Variants in ABCC1 observed in about 807,000 individuals in gnomAD.
ABCC1 encodes the protein ATP binding cassette subfamily C member 1 (ABCC1 blood group), also known as multidrug resistance-associated protein 1.
ABCC1 carries 83 observed loss-of-function variants against 172.9 expected under a neutral mutation model. The observed-to-expected ratio is 0.48, with a 90% CI of 0.40 to 0.58. ABCC1 has a LOEUF of 0.58. Ranked by LOEUF, ABCC1 falls within the 20% of genes least tolerant of loss-of-function variation. The pLI is 0.00. For synonymous variants in ABCC1, 937 were observed against 825.2 expected (o/e 1.14, Z -2.32); for missense variants, 1,817 against 2,002.7 (o/e 0.91, Z 1.77).
rs2049110732 is a variant in ABCC1 at position 16,044,365 on chromosome 16, G to T, written c.810-85G>T. 3.3e-6 allele frequency: 4 copies of T among 1,199,896 alleles called. No individual in the cohort carries two copies. The Middle Eastern group carries it at 8.1e-4, about 242-fold the overall frequency. The allele number at this position is 1,199,896 out of a possible 1,614,324, so 74.3% of individuals were successfully genotyped here. ...TGTCTTTGACTCTGCCTTCCCTGAA[G>T]GGTGACATTCCCTGGCCATGTCCCT... is the stretch of plus-strand genomic sequence containing the variant. On this transcript the variant is annotated intron_variant, in intron 7 of 30. Coordinates refer to ENST00000399410, the MANE Select transcript of ABCC1 (RefSeq NM_004996.4).
chr16:16,082,977 CT>C (rs1294647733), intron 16 of ABCC1, among the ~76,000 whole-genome samples: 3 of 152,062 alleles, frequency 2.0e-5, no homozygotes, highest in Non-Finnish European at 4.4e-5. Context: ...TGTCATATAT[CT>C]TTTTATCTTT....
At chr16:16,068,325 C>T in intron 13 of ABCC1, 23 bp downstream of exon 13, 18 of 1,612,528 alleles carry the variant, frequency 1.1e-5, no homozygotes, top group Middle Eastern at 1.7e-4. Flanking sequence ...GCTGGGGCGA[C>T]TTCCGAGAGG....
chr16:16,015,637 A>C (rs2047967368), intron 4 of ABCC1, among the ~76,000 whole-genome samples: 1 of 152,210 alleles, frequency 6.6e-6, no homozygotes, highest in Non-Finnish European at 1.5e-5. Context: ...TGTCACGAAT[A>C]ATCTTCCTGA....
chr16:16,080,366 T>C (rs1302735516), intron 16 of ABCC1, among the ~76,000 whole-genome samples: 2 of 152,202 alleles, frequency 1.3e-5, no homozygotes, highest in African/African-American at 2.4e-5. Context: ...ATTCTTAATA[T>C]GGAGCTAAAA....
At chr16:16,092,196 CCACTA>C (rs374794643) in intron 19 of ABCC1, among the ~76,000 whole-genome samples, 8 of 152,198 alleles carry the variant, frequency 5.3e-5, no homozygotes, top group African/African-American at 1.9e-4. Context: ...CGAGATCGTG[CCACTA>C]CACTCCAGCT....
intron 5 of ABCC1, among the ~76,000 whole-genome samples, chr16:16,028,172 T>A (rs934309961): frequency 1.3e-5 from 2 of 152,142 alleles, no homozygotes; most frequent in African/African-American, 4.8e-5. Context: ...TCTGCCTACC[T>A]CAACCCTCAG....
intron 5 of ABCC1, among the ~76,000 whole-genome samples, chr16:16,020,740 G>A (rs2048166746): frequency 6.6e-6 from 1 of 152,206 alleles, no homozygotes; most frequent in Admixed American, 6.5e-5. Flanking sequence ...TGCAAGGCAA[G>A]GACGGGAATC....
At chr16:16,075,724 A>C (rs561645475) in intron 14 of ABCC1, among the ~76,000 whole-genome samples, 1 of 152,272 alleles carries the variant, frequency 6.6e-6, no homozygotes, top group East Asian at 1.9e-4. Context: ...CCTGTTCCGT[A>C]TCCTCTTTTT....
At chr16:16,135,558 C>T (rs962119235) in intron 28 of ABCC1, among the ~76,000 whole-genome samples, 6 of 152,118 alleles carry the variant, frequency 3.9e-5, no homozygotes, top group African/African-American at 1.2e-4. Flanking sequence ...TGGGTTCAAG[C>T]GATTCTTCTG....
At chr16:16,080,888 CAG>C (rs973958769) in intron 16 of ABCC1, among the ~76,000 whole-genome samples, 4 of 130,692 alleles carry the variant, frequency 3.1e-5, no homozygotes, top group African/African-American at 5.7e-5. Flanking sequence ...GGTTTTGAGA[CAG>C]AGTTTTTTTT....
intron 23 of ABCC1, among the ~76,000 whole-genome samples, chr16:16,118,476 T>A (rs1396727245): frequency 4.7e-5 from 7 of 149,192 alleles, no homozygotes; most frequent in Non-Finnish European, 1.5e-5. Flanking sequence ...TTATCTGTGT[T>A]CATACGCAAG....
chr16:15,991,379 C>T (rs152023), intron 1 of ABCC1, among the ~76,000 whole-genome samples: 88,105 of 151,852 alleles, frequency 0.58, 27,134 homozygotes, highest in South Asian at 0.72. Flanking sequence ...CAGAGCGCCA[C>T]TCCAGACCCC....
chr16:16,100,928 T>C (rs7187319), intron 19 of ABCC1, among the ~76,000 whole-genome samples: 121,197 of 152,192 alleles, frequency 0.8, 48,419 homozygotes, highest in East Asian at 0.83. Context: ...TCGAGACTCA[T>C]AGCAGGGACT....
chr16:16,089,858 A>T (rs1248299204), intron 18 of ABCC1, among the ~76,000 whole-genome samples: 1 of 151,136 alleles, frequency 6.6e-6, no homozygotes, highest in Non-Finnish European at 1.5e-5. Context: ...TCCAGCCTGG[A>T]CAACAAAGTG....
intron 4 of ABCC1, among the ~76,000 whole-genome samples, chr16:16,016,059 A>G (rs551560675): frequency 5.3e-5 from 8 of 149,922 alleles, no homozygotes; most frequent in African/African-American, 1.7e-4. Context: ...CTGCCATTAC[A>G]TCCCGGGGGG....
chr16:16,135,731 C>G (rs1344006127), intron 28 of ABCC1, among the ~76,000 whole-genome samples: 2 of 152,162 alleles, frequency 1.3e-5, no homozygotes, highest in Non-Finnish European at 1.5e-5. Flanking sequence ...GCTGGGATTA[C>G]AGGGGTGAGC....
At chr16:16,063,427 T>G (rs1241959961) in intron 12 of ABCC1, among the ~76,000 whole-genome samples, 1 of 152,172 alleles carries the variant, frequency 6.6e-6, no homozygotes, top group African/African-American at 2.4e-5. Context: ...CATTTTGTGC[T>G]TGTACCAGCA....
At chr16:15,951,215 T>G (rs1411636821) in intron 1 of ABCC1, among the ~76,000 whole-genome samples, 1 of 152,098 alleles carries the variant, frequency 6.6e-6, no homozygotes, top group Non-Finnish European at 1.5e-5. Context: ...CAGAATATTC[T>G]CTTGTTTATT....
chr16:16,087,533 C>T (rs1205865521), intron 18 of ABCC1, among the ~76,000 whole-genome samples: 2 of 152,186 alleles, frequency 1.3e-5, no homozygotes, highest in African/African-American at 4.8e-5. Context: ...TCTCAGCTCA[C>T]TGCAACCTCC....
Sources: gnomAD v4.1 joint callset for allele counts (sites outside exome capture counted in the v4.1 genomes callset) on GRCh38, gnomAD v4.1.1 for gene constraint, MANE v1.5 for transcripts, NCBI Gene and HGNC (gene_info 2026-07-23, HGNC 2026-07-21) for gene names.